Variants in ANK3 observed in about 807,000 individuals in gnomAD.
ANK3 encodes the protein ankyrin-3.
Under a neutral mutation model 370.9 loss-of-function variants are expected in ANK3, and 57 were observed. The ratio of observed to expected loss-of-function variants is 0.15; its 90% confidence interval spans 0.12 to 0.19. The LOEUF (loss-of-function observed/expected upper bound fraction) is 0.19, where lower values mean the gene tolerates loss of function less well. Among genes scored for constraint, ANK3 ranks in the 10% least tolerant of loss-of-function variants. The pLI is 1.00. For missense variants in ANK3, 4,439 were observed against 5,302.1 expected (o/e 0.84, Z 5.06); for synonymous variants, 1,929 against 1,946.3 (o/e 0.99, Z 0.23).
At chr10:60,409,733 A>G (rs775207578) in intron 2 of ANK3, among the ~76,000 whole-genome samples, 18 of 151,920 alleles carry the variant, frequency 1.2e-4, no homozygotes, top group Non-Finnish European at 1.9e-4. Context: ...ATGTGGAATG[A>G]CTCACAGCCT....
intron 1 of ANK3, among the ~76,000 whole-genome samples, chr10:60,656,213 T>C (rs2078860995): frequency 1.3e-5 from 2 of 152,214 alleles, no homozygotes; most frequent in African/African-American, 2.4e-5. Flanking sequence ...AATTTGCTAT[T>C]TCTTTTTTTG....
At chr10:60,115,720 C>T (rs892353341) in intron 25 of ANK3, among the ~76,000 whole-genome samples, 9 of 151,374 alleles carry the variant, frequency 5.9e-5, no homozygotes, top group Admixed American at 1.3e-4. Context: ...TAAGTTAGAG[C>T]CCTAAATGGA....
intron 1 of ANK3, among the ~76,000 whole-genome samples, chr10:60,383,898 C>G (rs1363084014): frequency 1.3e-5 from 2 of 152,130 alleles, no homozygotes; most frequent in Non-Finnish European, 2.9e-5. Flanking sequence ...CAAGAAATAA[C>G]AGTATAGTTC....
Position 60,668,068 on chromosome 10 carries a change from T to C in ANK3, c.58-52844A>G, listed in dbSNP as rs183031720. On this transcript the variant is annotated intron_variant, in intron 1 of 43. Transcript: ENST00000373827. Reference sequence around the variant, plus strand: ...GATGCTGGCTTGCAGAATCACACTTTAAAGACCACTGCATTAATATGTGCA... The same window carrying C: ...GATGCTGGCTTGCAGAATCACACTTCAAAGACCACTGCATTAATATGTGCA... Among the ~76,000 whole-genome samples, 27 of 151,628 alleles carry C rather than the reference T, an allele frequency of 1.8e-4. No individual in the cohort carries two copies. In the East Asian group the frequency reaches 5.0e-3, roughly 28 times the overall value.
Position 60,063,119 on chromosome 10 carries a change from G to C in ANK3, c.12587C>G (p.Pro4196Arg). Residue 4196 changes from proline to arginine, a missense_variant, in exon 40 of 44, where the codon CCT (proline) becomes CGT (arginine). By Grantham distance (103) the Pro-to-Arg change is moderately radical. Transcript: ENST00000280772. ...ACACTAAATTCGATTACCATCAACA[G>C]GGTCATGGAAAACATTGTTCTCATC... is the stretch of plus-strand genomic sequence containing the variant. Reference protein sequence around the residue: ...FADENNVFHDPVDGWQNETSS... With the variant: ...FADENNVFHDRVDGWQNETSS... The C allele has an allele frequency of 6.2e-7, 1 of 1,610,742 alleles. No individual in the cohort carries two copies. Among genetic ancestry groups the C allele is most frequent in the Middle Eastern group, 1.7e-4 (1 of 6,042 alleles).
In ANK3 at chr10:60,306,428, C is replaced by CATATATATATAT. The variant is rs753175801; in HGVS notation, c.115-26801_115-26790dup. Among the ~76,000 whole-genome samples the CATATATATATAT allele has an allele frequency of 1.1e-3, 125 of 111,940 alleles. 1 individual carries two copies. Among genetic ancestry groups the CATATATATATAT allele is most frequent in the African/African-American group, 4.6e-3 (122 of 26,292 alleles). 73.4% of individuals were successfully genotyped at this position (111,940 alleles called of 152,430 possible). On this transcript the variant is annotated intron_variant, in intron 1 of 43. Transcript: ENST00000280772. ...TGAGTAGTATTCCACGGTGTATGTGCATATATATATATATATATATATATA... is the reference window on the plus strand; with the variant it reads ...TGAGTAGTATTCCACGGTGTATGTGCATATATATATATATATATATATATATATATATATATA...
At chr10:60,142,754 A>G (rs1227602748) in intron 23 of ANK3, among the ~76,000 whole-genome samples, 1 of 152,172 alleles carries the variant, frequency 6.6e-6, no homozygotes, top group Non-Finnish European at 1.5e-5. Context: ...TTATAACATT[A>G]AGTAATTATC....
At chr10:60,338,377 T>A (rs1226288565) in intron 1 of ANK3, among the ~76,000 whole-genome samples, 1 of 152,186 alleles carries the variant, frequency 6.6e-6, no homozygotes, top group East Asian at 1.9e-4. Flanking sequence ...AGGTTCTGAT[T>A]CAATACACCT....
At chr10:60,238,825 T>C (rs1036455236) in intron 7 of ANK3, among the ~76,000 whole-genome samples, 1 of 151,978 alleles carries the variant, frequency 6.6e-6, no homozygotes. Context: ...AGTATGAGTA[T>C]GCTCATTTCC....
chr10:60,405,730 G>A (rs887126921), intron 2 of ANK3, among the ~76,000 whole-genome samples: 3 of 152,146 alleles, frequency 2.0e-5, no homozygotes, highest in Non-Finnish European at 4.4e-5. Flanking sequence ...TGACATCTAT[G>A]TATCGAAATA....
At chr10:60,441,734 G>A (rs970050858) in intron 2 of ANK3, among the ~76,000 whole-genome samples, 2 of 152,076 alleles carry the variant, frequency 1.3e-5, no homozygotes, top group South Asian at 4.1e-4. Context: ...GTTCATACAA[G>A]TACATAAATT....
intron 2 of ANK3, among the ~76,000 whole-genome samples, chr10:60,530,453 CA>C (rs5785453): frequency 6.3e-4 from 91 of 145,368 alleles, no homozygotes; most frequent in East Asian, 2.6e-3. Flanking sequence ...TAATCTTCAC[CA>C]AAAAAAAAAA....
chr10:60,611,239 C>G (rs1165438174), intron 2 of ANK3, among the ~76,000 whole-genome samples: 21 of 152,078 alleles, frequency 1.4e-4, no homozygotes, highest in Admixed American at 1.4e-3. Flanking sequence ...AAAATGAAAA[C>G]AGGAGTCTTT....
intron 2 of ANK3, among the ~76,000 whole-genome samples, chr10:60,553,289 C>T (rs1287319054): frequency 6.6e-6 from 1 of 150,396 alleles, no homozygotes; most frequent in Admixed American, 6.7e-5. Flanking sequence ...TTAGGTTAAG[C>T]TTGATCACTA....
At chr10:60,106,977 T>C (rs916471910) in intron 27 of ANK3, among the ~76,000 whole-genome samples, 1 of 152,148 alleles carries the variant, frequency 6.6e-6, no homozygotes, top group African/African-American at 2.4e-5. Context: ...TCTTAACCTA[T>C]GTGTTTAGGT....
chr10:60,120,249 CAGAT>C (rs1483901417), intron 25 of ANK3, among the ~76,000 whole-genome samples: 1 of 152,032 alleles, frequency 6.6e-6, no homozygotes, highest in African/African-American at 2.4e-5. Context: ...CTGGGAAAAT[CAGAT>C]AGCCATATGC....
At chr10:60,061,403 AT>A in intron 40 of ANK3, among the ~76,000 whole-genome samples, 1 of 152,336 alleles carries the variant, frequency 6.6e-6, no homozygotes, top group Non-Finnish European at 1.5e-5. Flanking sequence ...TTCAAATTAA[AT>A]GAAGCTTTCA....
At chr10:60,145,819 G>A (rs907173753) in intron 23 of ANK3, 1 of 573,856 alleles carries the variant, frequency 1.7e-6, no homozygotes, top group East Asian at 2.9e-5. Context: ...TGAGGGCAAG[G>A]GGGCTTTGTC....
intron 1 of ANK3, among the ~76,000 whole-genome samples, chr10:60,317,791 G>A (rs991964581): frequency 1.4e-5 from 2 of 145,172 alleles, no homozygotes; most frequent in Non-Finnish European, 3.0e-5. Context: ...TCGGCTCACT[G>A]TAAGCTCCAC....
Sources: allele counts gnomAD v4.1 joint callset (sites outside exome capture counted in the v4.1 genomes callset), GRCh38; gene constraint gnomAD v4.1.1; transcripts MANE v1.5; gene names NCBI Gene and HGNC (gene_info 2026-07-23, HGNC 2026-07-21).